Variants in GTF3C5 observed in about 807,000 individuals in gnomAD.
The protein encoded by GTF3C5 is general transcription factor 3C polypeptide 5.
A neutral mutation model predicts 61.0 loss-of-function variants in GTF3C5; 47 were observed. The ratio of observed to expected loss-of-function variants is 0.77; its 90% CI spans 0.61 to 0.98. The LOEUF is 0.98. Among genes scored for constraint, GTF3C5 ranks in the 50% least tolerant of loss-of-function variants. The pLI, the probability that GTF3C5 is intolerant of heterozygous loss-of-function variation, is 0.00. For missense variants in GTF3C5, 659 were observed against 703.3 expected (o/e 0.94, Z 0.71); for synonymous variants, 295 against 275.4 (o/e 1.07, Z -0.71).
At chr9:133,055,642 G>A in intron 8 of GTF3C5, 1 of 985,422 alleles carries the variant, frequency 1.0e-6, no homozygotes, top group Non-Finnish European at 1.2e-6. Flanking sequence ...GGGACATAGG[G>A]TGACAAATTA....
At position 133,053,872 on chromosome 9, in the gene GTF3C5, C is replaced by T. The variant is rs552615922; in HGVS notation, c.918C>T (p.Asp306=). 3 of 1,613,404 alleles carry T rather than the reference C, an allele frequency of 1.9e-6. No homozygotes were observed. The highest frequency in any genetic ancestry group is 2.5e-6 in the Non-Finnish European group (3 of 1,179,422). Residue 306 remains aspartate (D), a synonymous_variant, in exon 6 of 11, where the codon GAC becomes GAT. Coordinates refer to ENST00000372097, the MANE Select transcript of GTF3C5 (RefSeq NM_012087.4). The part of the protein sequence containing the change: ...WRSLWIRFGY[D]PRKNPDAKIY... Reference sequence around the variant, plus strand: ...GCCTATGGATTCGATTTGGGTATGACCCCCGAAAAAACCCAGATGCCAAGA... The same window carrying T: ...GCCTATGGATTCGATTTGGGTATGATCCCCGAAAAAACCCAGATGCCAAGA...
intron 2 of GTF3C5, among the ~76,000 whole-genome samples, chr9:133,043,510 C>T (rs548893472): frequency 6.6e-6 from 1 of 152,184 alleles, no homozygotes; most frequent in South Asian, 2.1e-4. Context: ...TCATGTAGCT[C>T]CCCACCTCCC....
chr9:133,056,286 G>A (rs931730412), intron 9 of GTF3C5, among the ~76,000 whole-genome samples, 192 bp downstream of exon 9: 1 of 152,200 alleles, frequency 6.6e-6, no homozygotes, highest in Non-Finnish European at 1.5e-5. Flanking sequence ...ATAGAAAGCC[G>A]TGGCTCCAAG....
intron 9 of GTF3C5, 150 bp downstream of exon 9, chr9:133,056,244 C>T: frequency 1.5e-6 from 1 of 668,016 alleles, no homozygotes. Flanking sequence ...AGAGCCCTGG[C>T]ATGCTGGTGG....
At chr9:133,051,479 T>C (rs1850374190) in intron 4 of GTF3C5, among the ~76,000 whole-genome samples, 2 of 152,234 alleles carry the variant, frequency 1.3e-5, no homozygotes, top group South Asian at 4.1e-4. Context: ...AGTGTGCCTG[T>C]GGGAGACCAC....
intron 8 of GTF3C5, 193 bp downstream of exon 8, chr9:133,055,002 T>C: frequency 1.3e-6 from 2 of 1,551,680 alleles, no homozygotes; most frequent in East Asian, 4.9e-5. Flanking sequence ...GCTGTGTGTG[T>C]TGGGGACATC....
At chr9:133,034,652 G>C (rs751804997) in intron 1 of GTF3C5, among the ~76,000 whole-genome samples, 4 of 152,058 alleles carry the variant, frequency 2.6e-5, no homozygotes, top group Non-Finnish European at 5.9e-5. Context: ...AAGAGTACCA[G>C]ATAAGGCCCT....
chr9:133,054,657 G>A, intron 7 of GTF3C5, 55 bp from the exon 8 acceptor site: 2 of 1,496,700 alleles, frequency 1.3e-6, no homozygotes, highest in African/African-American at 1.4e-5. Flanking sequence ...GTGGTTGGGA[G>A]AGACACCTCC....
chr9:133,053,704 G>T, intron 5 of GTF3C5, 124 bp from the exon 6 acceptor site: 1 of 581,474 alleles, frequency 1.7e-6, no homozygotes, highest in Non-Finnish European at 3.1e-6. Flanking sequence ...GGCAGAGCAG[G>T]GCTGGGCATC....
At chr9:133,035,660 C>T (rs1377906586) in intron 1 of GTF3C5, among the ~76,000 whole-genome samples, 1 of 151,970 alleles carries the variant, frequency 6.6e-6, no homozygotes, top group African/African-American at 2.4e-5. Context: ...ATGGGAACTG[C>T]GGTCGGGGGA....
chr9:133,035,041 T>G (rs1849828754), intron 1 of GTF3C5, among the ~76,000 whole-genome samples: 1 of 152,096 alleles, frequency 6.6e-6, no homozygotes, highest in Admixed American at 6.5e-5. Context: ...CTCTCCACTC[T>G]TCCTGATGAA....
At chr9:133,049,261 C>T (rs1850301562) in intron 3 of GTF3C5, among the ~76,000 whole-genome samples, 1 of 152,220 alleles carries the variant, frequency 6.6e-6, no homozygotes, top group Admixed American at 6.5e-5. Context: ...GGGTTGGGCA[C>T]AGGTGGGCTG....
Position 133,054,829 on chromosome 9 carries a change from A to G in GTF3C5, c.1167+20A>G, listed in dbSNP as rs1350262868. On this transcript the variant is annotated intron_variant, in intron 8 of 10. Coordinates refer to ENST00000372097, the MANE Select transcript of GTF3C5 (RefSeq NM_012087.4). ...CTCAAGGTGGGCGCCCCTGGAGGCC[A>G]GGAATGGAGGGGAGGACTTCCCTCT... is the stretch of plus-strand genomic sequence containing the variant. 3 of 1,553,902 alleles carry G rather than the reference A, an allele frequency of 1.9e-6. No individual in the cohort carries two copies. The highest frequency in any genetic ancestry group is 1.2e-5 in the South Asian group (1 of 84,246).
chr9:133,054,866 A>T, intron 8 of GTF3C5, 57 bp downstream of exon 8: 1 of 1,539,122 alleles, frequency 6.5e-7, no homozygotes, highest in Non-Finnish European at 8.8e-7. Context: ...GGGGCCGGGC[A>T]CCTTGTGGGT....
chr9:133,054,464 C>G lies in GTF3C5; in HGVS notation c.1045C>G (p.Leu349Val). ...AAAGCGCAGCACCTACAACTACAGC[C>G]TCCCCATCACCGTCAAGAAGACATG... ...KAKRSTYNYS[L>V]PITVKKTSSQ... Residue 349 changes from leucine to valine, a missense_variant, in exon 7 of 11, where the codon CTC (leucine) becomes GTC (valine). Physicochemically the swap from Leu to Val is conservative, Grantham distance 32 (BLOSUM62 1). Coordinates refer to ENST00000372097, the MANE Select transcript of GTF3C5 (RefSeq NM_012087.4). The G allele has an allele frequency of 6.2e-7, 1 of 1,614,184 alleles. No homozygotes were observed. The highest frequency in any genetic ancestry group is 8.5e-7 in the Non-Finnish European group (1 of 1,180,010).
chr9:133,049,609 T>C (rs2070897163), intron 3 of GTF3C5, among the ~76,000 whole-genome samples: 1 of 152,286 alleles, frequency 6.6e-6, no homozygotes, highest in Admixed American at 6.5e-5. Context: ...GGTGACGGGC[T>C]TGTGGGGGTT....
intron 4 of GTF3C5, 127 bp downstream of exon 4, chr9:133,051,105 A>C (rs766609803): frequency 2.7e-4 from 169 of 632,550 alleles, no homozygotes; most frequent in South Asian, 7.5e-4. Flanking sequence ...TCCTTAGTGC[A>C]TGGGAACTTC....
intron 1 of GTF3C5, among the ~76,000 whole-genome samples, chr9:133,035,733 T>G (rs553244104): frequency 6.6e-6 from 1 of 152,326 alleles, no homozygotes; most frequent in East Asian, 1.9e-4. Flanking sequence ...TTTGGCTATT[T>G]GATCTGCAAG....
At chr9:133,034,014 A>G (rs1446440089) in intron 1 of GTF3C5, among the ~76,000 whole-genome samples, 2 of 151,900 alleles carry the variant, frequency 1.3e-5, no homozygotes, top group Non-Finnish European at 2.9e-5. Context: ...GGTCCAGTCA[A>G]CCTTAGAGAG....
Sources: allele counts gnomAD v4.1 joint callset (sites outside exome capture counted in the v4.1 genomes callset), GRCh38; gene constraint gnomAD v4.1.1; transcripts MANE v1.5; gene names NCBI Gene and HGNC (gene_info 2026-07-23, HGNC 2026-07-21).